LRP1B: variants seen among roughly 807,000 people sequenced by gnomAD.
LRP1B encodes the protein LDL receptor related protein 1B, also known as low-density lipoprotein receptor-related protein 1B.
Under a neutral mutation model 556.6 loss-of-function variants are expected in LRP1B, and 217 were observed. That is an observed-to-expected ratio of 0.39 (90% CI 0.35 to 0.44). The LOEUF (loss-of-function observed/expected upper bound fraction) is 0.44. LRP1B is among the 20% of genes least tolerant of loss of function. The probability of loss-of-function intolerance (pLI) is 1.00; values close to 1 mark genes in which losing one functional copy is unlikely to be tolerated. For missense variants in LRP1B, 5,053 were observed against 5,620.8 expected (o/e 0.90, Z 3.23); for synonymous variants, 2,047 against 1,865.8 (o/e 1.10, Z -2.50).
intron 3 of LRP1B, among the ~76,000 whole-genome samples, chr2:141,360,255 A>G (rs907379434): frequency 6.6e-6 from 1 of 152,208 alleles, no homozygotes; most frequent in Non-Finnish European, 1.5e-5. Context: ...ATGGGGCACA[A>G]AAAATACCTA....
At chr2:141,076,245 A>G (rs1352201660) in intron 7 of LRP1B, among the ~76,000 whole-genome samples, 1 of 152,182 alleles carries the variant, frequency 6.6e-6, no homozygotes, top group African/African-American at 2.4e-5. Flanking sequence ...CTGGCAAAAC[A>G]TGCATTTTGA....
intron 47 of LRP1B, among the ~76,000 whole-genome samples, chr2:140,533,544 A>G (rs1231206811): frequency 6.6e-6 from 1 of 152,144 alleles, no homozygotes; most frequent in Admixed American, 6.6e-5. Context: ...ATACTCTGTT[A>G]GCCCAGGCTT....
intron 5 of LRP1B, 35 bp downstream of exon 5, chr2:141,247,191 T>C (rs2105326803): frequency 6.2e-7 from 1 of 1,612,066 alleles, no homozygotes; most frequent in Non-Finnish European, 8.5e-7. Context: ...AACAAGTAAT[T>C]CTGGAAAGAC....
At chr2:140,779,225 T>G (rs910741937) in intron 32 of LRP1B, among the ~76,000 whole-genome samples, 6 of 152,074 alleles carry the variant, frequency 3.9e-5, no homozygotes, top group African/African-American at 1.4e-4. Flanking sequence ...TTTTAAAAGT[T>G]TGGAGATAAG....
chr2:141,770,712 A>C (rs1458993437), intron 2 of LRP1B, among the ~76,000 whole-genome samples: 1 of 152,208 alleles, frequency 6.6e-6, no homozygotes, highest in African/African-American at 2.4e-5. Flanking sequence ...TAGAGAGTGC[A>C]GTGAGGCGCC....
rs1686471234 is a variant in LRP1B at position 141,570,040 on chromosome 2, C to T, written c.206-89507G>A. ...TTGAGCCCAAGAGTTTGAAACCAAT[C>T]AGTGCAATATAGCAAGACCCTGTCT... is the stretch of plus-strand genomic sequence containing the variant. On this transcript the variant is annotated intron_variant, in intron 2 of 90. Transcript: ENST00000389484. 3.3e-5 allele frequency among the ~76,000 whole-genome samples: 5 copies of T among 150,962 alleles called. 1 individual carries two copies. Among genetic ancestry groups the T allele is most frequent in the African/African-American group, 1.2e-4 (5 of 41,324 alleles).
chr2:141,344,525 C>T (rs58776756), intron 3 of LRP1B, among the ~76,000 whole-genome samples: 1 of 152,068 alleles, frequency 6.6e-6, no homozygotes. Flanking sequence ...CATTGAGGAA[C>T]CCTGTGGTCA....
chr2:140,814,644 C>T (rs1691045876), intron 31 of LRP1B, among the ~76,000 whole-genome samples: 7 of 152,104 alleles, frequency 4.6e-5, no homozygotes, highest in Admixed American at 4.6e-4. Flanking sequence ...TTGGTGATTT[C>T]ATCCCTCTTC....
intron 1 of LRP1B, among the ~76,000 whole-genome samples, chr2:142,045,918 G>T (rs1382341303): frequency 6.6e-6 from 1 of 151,908 alleles, no homozygotes; most frequent in Non-Finnish European, 1.5e-5. Context: ...TTATGTGAAT[G>T]CTAATAGAAT....
chr2:140,372,258 CA>C (rs1275428199), intron 69 of LRP1B, among the ~76,000 whole-genome samples: 1 of 152,026 alleles, frequency 6.6e-6, no homozygotes, highest in Admixed American at 6.6e-5. Flanking sequence ...AGTCTAATAA[CA>C]TGTCTGTATT....
intron 35 of LRP1B, among the ~76,000 whole-genome samples, chr2:140,753,694 C>T (rs1050395141): frequency 2.0e-5 from 3 of 152,160 alleles, no homozygotes; most frequent in Non-Finnish European, 4.4e-5. Flanking sequence ...ATTACTGCTT[C>T]CTCCACCACC....
chr2:141,742,712 G>A (rs778650915), intron 2 of LRP1B, among the ~76,000 whole-genome samples: 6 of 152,030 alleles, frequency 3.9e-5, no homozygotes, highest in Non-Finnish European at 7.4e-5. Flanking sequence ...TGGGTAGTAT[G>A]GACATTTTAA....
intron 1 of LRP1B, among the ~76,000 whole-genome samples, chr2:141,824,291 A>G (rs1466103520): frequency 6.6e-6 from 1 of 152,202 alleles, no homozygotes; most frequent in Non-Finnish European, 1.5e-5. Flanking sequence ...TAGAGAGTTA[A>G]ATGACTTTTT....
At chr2:140,355,089 AAAG>A (rs1179979821) in intron 75 of LRP1B, among the ~76,000 whole-genome samples, 15 of 152,062 alleles carry the variant, frequency 9.9e-5, no homozygotes, top group African/African-American at 3.4e-4. Flanking sequence ...ATAATACAAA[AAAG>A]TGGATTCATA....
rs75096081 is a variant in LRP1B, at chr2:140,834,920, T to C, written c.5209+5071A>G. ...TTGGTGTGTAAATTTCCAGTTCACT[T>C]TTTTTCTATAGTTTTAAAATAAGCA... is the stretch of plus-strand genomic sequence containing the variant. On this transcript the variant is annotated intron_variant, in intron 31 of 90. Transcript: ENST00000389484. Among the ~76,000 whole-genome samples the C allele has an allele frequency of 6.7e-3, 1,024 of 152,278 alleles. 5 individuals carry two copies. Among genetic ancestry groups the C allele is most frequent in the Middle Eastern group, 0.027 (8 of 292 alleles).
At chr2:141,306,347 A>C (rs2105440001) in intron 3 of LRP1B, among the ~76,000 whole-genome samples, 1 of 152,050 alleles carries the variant, frequency 6.6e-6, no homozygotes, top group Non-Finnish European at 1.5e-5. Flanking sequence ...CTTTCTTCTT[A>C]ATTTAATCTT....
At position 141,231,409 on chromosome 2, in the gene LRP1B, T is replaced by C. The variant is rs143239798; in HGVS notation, c.593-1969A>G. Among the ~76,000 whole-genome samples, 228 of 152,228 alleles carry C rather than the reference T, an allele frequency of 1.5e-3. 1 individual carries two copies. Among genetic ancestry groups the C allele is most frequent in the African/African-American group, 5.1e-3 (212 of 41,534 alleles). On this transcript the variant is annotated intron_variant, in intron 5 of 90. Coordinates refer to ENST00000389484, the MANE Select transcript of LRP1B (RefSeq NM_018557.3). Reference sequence around the variant, plus strand: ...TTATCCCCATCATGCTAGACCCCTATTAATTTCAATAGGGGTGGTGCCAGG... The same window carrying C: ...TTATCCCCATCATGCTAGACCCCTACTAATTTCAATAGGGGTGGTGCCAGG...
At chr2:141,461,737 C>G (rs1037218309) in intron 3 of LRP1B, among the ~76,000 whole-genome samples, 1 of 152,180 alleles carries the variant, frequency 6.6e-6, no homozygotes, top group African/African-American at 2.4e-5. Flanking sequence ...GTCTCTGAGA[C>G]ACTTCAATAT....
At chr2:141,956,448 A>T (rs1232140325) in intron 1 of LRP1B, among the ~76,000 whole-genome samples, 2 of 151,874 alleles carry the variant, frequency 1.3e-5, no homozygotes, top group African/African-American at 2.4e-5. Context: ...TTCCTACTTA[A>T]TTTTGGCAGT....
Sources: gnomAD v4.1 joint callset for allele counts (sites outside exome capture counted in the v4.1 genomes callset) on GRCh38, gnomAD v4.1.1 for gene constraint, MANE v1.5 for transcripts, NCBI Gene and HGNC (gene_info 2026-07-23, HGNC 2026-07-21) for gene names.